Variants in SPAG16 observed in about 807,000 individuals in gnomAD.
The protein encoded by SPAG16 is sperm-associated antigen 16 protein.
Under a neutral mutation model 80.4 loss-of-function variants are expected in SPAG16, and 86 were observed. That is an observed-to-expected ratio of 1.07 (90% CI 0.90 to 1.28). SPAG16 has a LOEUF of 1.28. Among genes scored for constraint, SPAG16 ranks in the 50% most tolerant of loss-of-function variants. The probability of loss-of-function intolerance (pLI) is 0.00; values close to 1 mark genes in which losing one functional copy is unlikely to be tolerated. For missense variants in SPAG16, 870 were observed against 765.3 expected, an observed-to-expected ratio of 1.14 and a Z score of -1.61; for synonymous variants, 294 against 265.9, an observed-to-expected ratio of 1.11 and a Z score of -1.03.
intron 9 of SPAG16, among the ~76,000 whole-genome samples, chr2:213,451,921 G>T (rs74337153): frequency 6.6e-6 from 1 of 151,604 alleles, no homozygotes; most frequent in Non-Finnish European, 1.5e-5. Context: ...TCCCTGACTC[G>T]CCCCATACCC....
intron 10 of SPAG16, among the ~76,000 whole-genome samples, chr2:213,514,984 AG>A (rs2075368145): frequency 6.6e-6 from 1 of 152,154 alleles, no homozygotes; most frequent in African/African-American, 2.4e-5. Flanking sequence ...ATAAGCATCA[AG>A]GGTTTTTAAA....
intron 15 of SPAG16, among the ~76,000 whole-genome samples, chr2:214,267,024 T>C (rs1691623180): frequency 6.6e-6 from 1 of 151,682 alleles, no homozygotes; most frequent in African/African-American, 2.4e-5. Context: ...AAGCATTCTA[T>C]AGATTCAATG....
intron 15 of SPAG16, among the ~76,000 whole-genome samples, chr2:214,222,748 G>A (rs2058610571): frequency 1.3e-5 from 2 of 152,050 alleles, no homozygotes; most frequent in Admixed American, 1.3e-4. Context: ...ATCCACCTGA[G>A]GACTGTCTAT....
intron 11 of SPAG16, among the ~76,000 whole-genome samples, chr2:213,889,260 T>C (rs2076683818): frequency 6.6e-6 from 1 of 151,904 alleles, no homozygotes; most frequent in Non-Finnish European, 1.5e-5. Context: ...TCACCTTCTA[T>C]ATAGTGTATA....
At chr2:213,411,565 T>G (rs2068966774) in intron 9 of SPAG16, among the ~76,000 whole-genome samples, 1 of 152,200 alleles carries the variant, frequency 6.6e-6, no homozygotes, top group East Asian at 1.9e-4. Flanking sequence ...CAAACAACAC[T>G]GCCCCCAATA....
intron 9 of SPAG16, among the ~76,000 whole-genome samples, chr2:213,418,933 CT>C (rs2125427117): frequency 6.6e-6 from 1 of 152,302 alleles, no homozygotes; most frequent in African/African-American, 2.4e-5. Flanking sequence ...TGATTTATTT[CT>C]TACTCTTACC....
intron 10 of SPAG16, among the ~76,000 whole-genome samples, chr2:213,694,979 A>T (rs1035860620): frequency 3.3e-5 from 5 of 152,066 alleles, no homozygotes; most frequent in Non-Finnish European, 7.4e-5. Flanking sequence ...AGTGAATCTC[A>T]TGACAAAATC....
chr2:213,302,037 A>T (rs560337885), intron 3 of SPAG16, among the ~76,000 whole-genome samples: 1 of 152,278 alleles, frequency 6.6e-6, no homozygotes, highest in South Asian at 2.1e-4. Context: ...CTATTGTTGC[A>T]ATCATAACAC....
chr2:213,740,559 A>G (rs1057221616), intron 10 of SPAG16, among the ~76,000 whole-genome samples: 1 of 152,244 alleles, frequency 6.6e-6, no homozygotes, highest in Admixed American at 6.5e-5. Context: ...CACTCTCATC[A>G]TGCTTACTGA....
intron 10 of SPAG16, among the ~76,000 whole-genome samples, chr2:213,561,521 C>A (rs750993840): frequency 6.6e-6 from 1 of 152,054 alleles, no homozygotes; most frequent in African/African-American, 2.4e-5. Flanking sequence ...ACCAAAATAT[C>A]TCTTGTACCC....
intron 15 of SPAG16, among the ~76,000 whole-genome samples, chr2:214,192,807 C>A (rs898322556): frequency 1.3e-5 from 2 of 152,046 alleles, no homozygotes; most frequent in Admixed American, 1.3e-4. Context: ...TACTCTCTTG[C>A]TGTAATGCAT....
At chr2:213,338,443 A>G (rs1426125541) in intron 5 of SPAG16, among the ~76,000 whole-genome samples, 1 of 152,232 alleles carries the variant, frequency 6.6e-6, no homozygotes, top group East Asian at 1.9e-4. Context: ...GGCAAGATTC[A>G]TTGGTGTGCT....
intron 15 of SPAG16, among the ~76,000 whole-genome samples, chr2:214,205,609 T>C (rs2058122306): frequency 6.6e-6 from 1 of 152,170 alleles, no homozygotes; most frequent in African/African-American, 2.4e-5. Context: ...CCTAAAGATA[T>C]TTATGCTTTA....
At chr2:213,546,269 A>G (rs980232940) in intron 10 of SPAG16, among the ~76,000 whole-genome samples, 8 of 151,798 alleles carry the variant, frequency 5.3e-5, no homozygotes, top group African/African-American at 1.9e-4. Flanking sequence ...CCATTTCTCC[A>G]TCTGTTTCCT....
chr2:214,078,465 A>G (rs2051194208), intron 13 of SPAG16, among the ~76,000 whole-genome samples: 1 of 150,654 alleles, frequency 6.6e-6, no homozygotes, highest in Admixed American at 6.6e-5. Context: ...GTGAGGTGGA[A>G]GGATTTCTTG....
intron 10 of SPAG16, among the ~76,000 whole-genome samples, chr2:213,816,601 G>C (rs2072554101): frequency 6.6e-6 from 1 of 151,840 alleles, no homozygotes; most frequent in African/African-American, 2.4e-5. Flanking sequence ...CTATCTGCTT[G>C]ACATCTTATG....
intron 5 of SPAG16, among the ~76,000 whole-genome samples, chr2:213,333,883 A>C (rs2064220825): frequency 6.6e-6 from 1 of 152,078 alleles, no homozygotes; most frequent in African/African-American, 2.4e-5. Context: ...AAACTAAAAG[A>C]AACTCTCAAT....
At chr2:213,356,739 C>T (rs7572494) in intron 7 of SPAG16, among the ~76,000 whole-genome samples, 148,326 of 152,252 alleles carry the variant, frequency 0.97, 72,361 homozygotes, top group East Asian at 1. Context: ...TTTTTGTGTC[C>T]CTGTCTCCTT....
At chr2:213,523,155 C>A (rs547975508) in intron 10 of SPAG16, among the ~76,000 whole-genome samples, 111 of 152,246 alleles carry the variant, frequency 7.3e-4, no homozygotes, top group Non-Finnish European at 1.3e-3. Flanking sequence ...ATCATGGAGG[C>A]AGTAACCCTG....
Sources: allele counts gnomAD v4.1 joint callset (sites outside exome capture counted in the v4.1 genomes callset), GRCh38; gene constraint gnomAD v4.1.1; transcripts MANE v1.5; gene names NCBI Gene and HGNC (gene_info 2026-07-23, HGNC 2026-07-21).